The following GPC5 variants were observed in gnomAD, a reference collection of about 807,000 sequenced individuals.
The protein encoded by GPC5 is glypican 5.
A neutral mutation model predicts 53.9 loss-of-function variants in GPC5; 47 were observed. The observed-to-expected ratio is 0.87, with a 90% CI of 0.69 to 1.11. GPC5 has a LOEUF of 1.11. GPC5 is among the 50% of genes most tolerant of loss of function. The probability of loss-of-function intolerance (pLI) is 0.00; values close to 1 mark genes in which losing one functional copy is unlikely to be tolerated. For missense variants in GPC5, 748 were observed against 713.1 expected, an observed-to-expected ratio of 1.05 and a Z score of -0.56; for synonymous variants, 286 against 263.3, an observed-to-expected ratio of 1.09 and a Z score of -0.84.
rs181357796 is a variant in GPC5 at position 92,338,298 on chromosome 13, A to C, written c.1561+193309A>C. Among the ~76,000 whole-genome samples the C allele has an allele frequency of 5.9e-5, 9 of 152,238 alleles. No homozygotes were observed. In the East Asian group the frequency reaches 1.7e-3, roughly 29 times the overall value. On this transcript the variant is annotated intron_variant, in intron 7 of 7. Coordinates refer to ENST00000377067, the MANE Select transcript of GPC5 (RefSeq NM_004466.6). ...TTCAAAACACCAAATGCTGGCAAGG[A>C]TGTGGAGCAACAGGAACTATCAATA... is the stretch of plus-strand genomic sequence containing the variant.
rs145697029 is a variant in GPC5 at position 91,490,083 on chromosome 13, G to C, written c.325+41161G>C. 1.1e-3 allele frequency among the ~76,000 whole-genome samples: 170 copies of C among 152,250 alleles called. 1 individual carries two copies. Among genetic ancestry groups the C allele is most frequent in the African/African-American group, 3.9e-3 (162 of 41,550 alleles). On this transcript the variant is annotated intron_variant, in intron 2 of 7. Transcript: ENST00000377067. Reference sequence around the variant, plus strand: ...TCACTACAATGATTATTTGGTAAGAGATTATTATTATTATGGTAAAGGATA... The same window carrying C: ...TCACTACAATGATTATTTGGTAAGACATTATTATTATTATGGTAAAGGATA...
chr13:91,701,806 A>AT (rs1194907479), intron 3 of GPC5, among the ~76,000 whole-genome samples: 6 of 152,090 alleles, frequency 3.9e-5, no homozygotes, highest in Non-Finnish European at 7.4e-5. Context: ...TTTTCGATGT[A>AT]TACCCAAAAG....
At chr13:91,427,318 G>A (rs1879129656) in intron 1 of GPC5, among the ~76,000 whole-genome samples, 1 of 152,216 alleles carries the variant, frequency 6.6e-6, no homozygotes, top group South Asian at 2.1e-4. Context: ...GAGGGGTGTT[G>A]CACCCTGTGA....
In GPC5 at chr13:92,657,582, T is replaced by TG. The variant is rs1886180707; in HGVS notation, c.1562-208700_1562-208699insG. Among the ~76,000 whole-genome samples, 8 of 89,088 alleles carry TG rather than the reference T, an allele frequency of 9.0e-5. No homozygotes were observed. In the South Asian group the frequency reaches 3.4e-3, roughly 38 times the overall value. The allele number at this position is 89,088 out of a possible 152,430, so 58.4% of individuals were successfully genotyped here. A position where few individuals can be genotyped will look rare whatever the true frequency, so the allele number is the denominator to read the frequency against. The stretch of plus-strand genomic sequence containing the variant: ...TAGTTTTCTAGAAGGTTTTTTGGTT[T>TG]TTTTTTTTTTTTTTTTTTTTTTGAA... On this transcript the variant is annotated intron_variant, in intron 7 of 7. Transcript: ENST00000377067.
At chr13:91,587,510 C>T (rs1229938392) in intron 2 of GPC5, among the ~76,000 whole-genome samples, 2 of 152,118 alleles carry the variant, frequency 1.3e-5, no homozygotes, top group Admixed American at 6.6e-5. Context: ...TTCAAATCAG[C>T]CTTCCTTGCC....
chr13:92,276,284 C>T (rs1277756372), intron 7 of GPC5, among the ~76,000 whole-genome samples: 2 of 152,128 alleles, frequency 1.3e-5, no homozygotes, highest in African/African-American at 4.8e-5. Context: ...AAAAATTAAA[C>T]TGCAATAATT....
chr13:92,736,944 G>C (rs1344310385), intron 7 of GPC5, among the ~76,000 whole-genome samples: 1 of 151,796 alleles, frequency 6.6e-6, no homozygotes, highest in African/African-American at 2.4e-5. Flanking sequence ...ATAGTCAGTT[G>C]TCTCTTGTTA....
intron 6 of GPC5, among the ~76,000 whole-genome samples, chr13:92,054,256 A>G (rs1039655034): frequency 2.6e-5 from 4 of 151,810 alleles, no homozygotes; most frequent in Admixed American, 6.6e-5. Context: ...ACAGAGATAC[A>G]GGACAAAGAC....
In GPC5 at chr13:92,482,333, C is replaced by T. The variant is rs79837341; in HGVS notation, c.1561+337344C>T. ...TTGCTTAAATGACCAGTTAATTCTCCTCCTAAAAGCTGTTTAGCTTCCCAC... is the reference window on the plus strand; with the variant it reads ...TTGCTTAAATGACCAGTTAATTCTCTTCCTAAAAGCTGTTTAGCTTCCCAC... On this transcript the variant is annotated intron_variant, in intron 7 of 7. Transcript: ENST00000377067. Among the ~76,000 whole-genome samples, 293 of 152,246 alleles carry T rather than the reference C, an allele frequency of 1.9e-3. 1 individual carries two copies. Among genetic ancestry groups the T allele is most frequent in the African/African-American group, 6.9e-3 (288 of 41,532 alleles).
intron 7 of GPC5, among the ~76,000 whole-genome samples, chr13:92,833,258 G>A (rs781003600): frequency 2.4e-4 from 37 of 152,222 alleles, no homozygotes; most frequent in Admixed American, 5.9e-4. Flanking sequence ...TAAGTAAAAG[G>A]AAACCAGCTG....
intron 7 of GPC5, among the ~76,000 whole-genome samples, chr13:92,806,403 T>C (rs1404002677): frequency 1.3e-5 from 2 of 152,080 alleles, no homozygotes; most frequent in African/African-American, 2.4e-5. Flanking sequence ...TCACTTTCTT[T>C]TTGTTGTGTA....
chr13:92,838,036 C>A (rs1307666407), intron 7 of GPC5, among the ~76,000 whole-genome samples: 3 of 151,788 alleles, frequency 2.0e-5, no homozygotes, highest in Non-Finnish European at 4.4e-5. Flanking sequence ...CAAGATCGTG[C>A]CATTGCACTC....
chr13:92,363,328 G>T (rs542386741), intron 7 of GPC5, among the ~76,000 whole-genome samples: 1 of 151,762 alleles, frequency 6.6e-6, no homozygotes, highest in African/African-American at 2.4e-5. Flanking sequence ...TAGACCAGAG[G>T]TCCCCAACAT....
intron 2 of GPC5, among the ~76,000 whole-genome samples, chr13:91,460,592 A>G (rs1451792560): frequency 6.6e-6 from 1 of 152,060 alleles, no homozygotes; most frequent in Non-Finnish European, 1.5e-5. Flanking sequence ...ATGAGCCACC[A>G]TGCTGGGCTG....
intron 6 of GPC5, among the ~76,000 whole-genome samples, chr13:92,098,350 T>G (rs900731047): frequency 6.6e-6 from 1 of 152,190 alleles, no homozygotes; most frequent in African/African-American, 2.4e-5. Flanking sequence ...TTGTTTTTGT[T>G]ATGACCTTTG....
chr13:92,255,088 G>A (rs2042718055), intron 7 of GPC5, among the ~76,000 whole-genome samples: 1 of 152,126 alleles, frequency 6.6e-6, no homozygotes, highest in African/African-American at 2.4e-5. Flanking sequence ...GTATACAGGA[G>A]GAGATGCATA....
At chr13:91,939,679 C>G (rs1035704443) in intron 6 of GPC5, among the ~76,000 whole-genome samples, 23 of 152,230 alleles carry the variant, frequency 1.5e-4, no homozygotes, top group African/African-American at 5.1e-4. Flanking sequence ...ATTGGTTTGA[C>G]AGTAAGTGAA....
At chr13:92,109,265 C>T (rs900013552) in intron 6 of GPC5, among the ~76,000 whole-genome samples, 1 of 151,670 alleles carries the variant, frequency 6.6e-6, no homozygotes. Flanking sequence ...TGGGGTTTTG[C>T]CATGTTGCCC....
At position 91,585,732 on chromosome 13, in the gene GPC5, G is replaced by A. The variant is rs772562951; in HGVS notation, c.326-107455G>A. 3.3e-5 allele frequency among the ~76,000 whole-genome samples: 5 copies of A among 152,098 alleles called. No homozygotes were observed. The East Asian group carries it at 5.8e-4, about 18-fold the overall frequency. On this transcript the variant is annotated intron_variant, in intron 2 of 7. Coordinates refer to ENST00000377067, the MANE Select transcript of GPC5 (RefSeq NM_004466.6). ...TGTCTGAACTGTCCACTGCTTATGT[G>A]TGTTATGCTTTTAAAAATTAGAATA...
Sources: gnomAD v4.1 joint callset for allele counts (sites outside exome capture counted in the v4.1 genomes callset) on GRCh38, gnomAD v4.1.1 for gene constraint, MANE v1.5 for transcripts, NCBI Gene and HGNC (gene_info 2026-07-23, HGNC 2026-07-21) for gene names.